Variants in UNC13C observed in about 807,000 individuals in gnomAD.
The protein encoded by UNC13C is unc-13 homolog C, also known as protein unc-13 homolog C.
UNC13C carries 174 observed loss-of-function variants against 245.4 expected under a neutral mutation model. That is an observed-to-expected ratio of 0.71 (90% CI 0.63 to 0.80). The LOEUF (loss-of-function observed/expected upper bound fraction) is 0.80. Ranked by LOEUF, UNC13C falls within the 30% of genes least tolerant of loss-of-function variation. UNC13C has a pLI of 0.00. For synonymous variants in UNC13C, 992 were observed against 895.1 expected (o/e 1.11, Z -1.93); for missense variants, 2,829 against 2,602.9 (o/e 1.09, Z -1.89).
At chr15:54,144,332 T>A (rs201585795) in intron 4 of UNC13C, among the ~76,000 whole-genome samples, 1 of 860 alleles carries the variant, frequency 1.2e-3, no homozygotes, top group African/African-American at 1.2e-3. Context: ...TGCATCGTGG[T>A]TTTTTTTTTT....
chr15:54,477,846 C>T (rs62024025), intron 19 of UNC13C, among the ~76,000 whole-genome samples: 55,823 of 144,374 alleles, frequency 0.39, 10,146 homozygotes, highest in East Asian at 0.57. Flanking sequence ...GGAGGAGTCC[C>T]TCTTTTTCTA....
intron 4 of UNC13C, among the ~76,000 whole-genome samples, chr15:54,198,536 C>T (rs2034428058): frequency 6.6e-6 from 1 of 152,164 alleles, no homozygotes; most frequent in Non-Finnish European, 1.5e-5. Context: ...TATCACAGGA[C>T]ACTTTGCTGA....
intron 10 of UNC13C, among the ~76,000 whole-genome samples, chr15:54,286,160 C>T (rs548071185): frequency 3.0e-4 from 46 of 152,216 alleles, no homozygotes; most frequent in African/African-American, 9.6e-4. Context: ...GGATTACAGG[C>T]GTGAGCCACT....
the UNC13C span, among the ~76,000 whole-genome samples, chr15:53,888,398 GT>G: frequency 1.5e-4 from 22 of 150,804 alleles, no homozygotes; most frequent in East Asian, 1.2e-3. Flanking sequence ...TTTTAATAGA[GT>G]TTTTTTTTCT....
At chr15:54,491,078 T>G (rs940068345) in intron 19 of UNC13C, among the ~76,000 whole-genome samples, 5 of 152,204 alleles carry the variant, frequency 3.3e-5, no homozygotes, top group Non-Finnish European at 7.3e-5. Context: ...TCAATGTGTT[T>G]ATATTTATAT....
the UNC13C span, chr15:53,955,793 T>C: frequency 6.6e-6 from 1 of 152,218 alleles, no homozygotes; most frequent in East Asian, 1.9e-4. Context: ...TGCCTCTTCA[T>C]GCTGGCCATT....
At chr15:54,619,201 A>G (rs1900642576) in intron 30 of UNC13C, among the ~76,000 whole-genome samples, 1 of 152,082 alleles carries the variant, frequency 6.6e-6, no homozygotes, top group Non-Finnish European at 1.5e-5. Context: ...TCTCCATGTA[A>G]ATTTTGCTAA....
the UNC13C span, among the ~76,000 whole-genome samples, chr15:53,890,140 C>CTTTTTTTTTTTTT: frequency 1.4e-5 from 2 of 145,244 alleles, no homozygotes; most frequent in African/African-American, 2.5e-5. Context: ...ACCAGCGCCT[C>CTTTTTTTTTTTTT]TTTTTTTTTT....
intron 13 of UNC13C, among the ~76,000 whole-genome samples, chr15:54,316,368 A>G (rs1372578947): frequency 6.6e-6 from 1 of 151,758 alleles, no homozygotes; most frequent in Non-Finnish European, 1.5e-5. Context: ...TTCCTCTGGA[A>G]TACATTCTTT....
chr15:54,457,907 CT>C lies in UNC13C; in HGVS notation c.4934-36691del, dbSNP rs904615659. 1.2e-4 allele frequency among the ~76,000 whole-genome samples: 11 copies of C among 93,950 alleles called. No individual in the cohort carries two copies. In the East Asian group the frequency reaches 1.8e-3, roughly 15 times the overall value. The allele number at this position is 93,950 out of a possible 152,430, so 61.6% of individuals were successfully genotyped here. A position where few individuals can be genotyped will look rare whatever the true frequency, so the allele number is the denominator to read the frequency against. ...TCTGCTTTTCGTTTTTTTTTTTTTC[CT>C]TTTTTTTTTCTGCTACTGGATTTGG... On this transcript the variant is annotated intron_variant, in intron 19 of 32. Transcript: ENST00000260323.
At chr15:53,908,788 G>A in the UNC13C span, among the ~76,000 whole-genome samples, 1 of 138,254 alleles carries the variant, frequency 7.2e-6, no homozygotes, top group Admixed American at 7.6e-5. Flanking sequence ...TAAATATTTG[G>A]TTTTATACAT....
chr15:54,595,072 G>A (rs1899002544), intron 30 of UNC13C, among the ~76,000 whole-genome samples: 1 of 152,192 alleles, frequency 6.6e-6, no homozygotes, highest in African/African-American at 2.4e-5. Context: ...TAGCAGTGGT[G>A]GTTTCTGTGA....
intron 1 of UNC13C, among the ~76,000 whole-genome samples, chr15:53,991,376 C>T (rs1029106400): frequency 1.3e-5 from 2 of 151,924 alleles, no homozygotes; most frequent in Non-Finnish European, 2.9e-5. Flanking sequence ...AAAATCATGT[C>T]GATTCTAATT....
chr15:54,434,352 G>A (rs2040936104), intron 19 of UNC13C, among the ~76,000 whole-genome samples: 1 of 152,132 alleles, frequency 6.6e-6, no homozygotes, highest in Non-Finnish European at 1.5e-5. Context: ...CAAGGCTATA[G>A]TAACCAAACA....
At chr15:54,531,242 T>G (rs908657990) in intron 25 of UNC13C, among the ~76,000 whole-genome samples, 6 of 152,148 alleles carry the variant, frequency 3.9e-5, no homozygotes, top group African/African-American at 1.4e-4. Context: ...ATAGATGCTA[T>G]GGAAGCCATG....
intron 30 of UNC13C, among the ~76,000 whole-genome samples, chr15:54,607,709 A>G (rs1899845039): frequency 6.6e-6 from 1 of 152,156 alleles, no homozygotes; most frequent in Non-Finnish European, 1.5e-5. Context: ...GCAGAGGGGA[A>G]GCAAGAGCAT....
intron 4 of UNC13C, among the ~76,000 whole-genome samples, chr15:54,161,946 TA>T (rs35899315): frequency 4.4e-4 from 66 of 151,252 alleles, no homozygotes; most frequent in African/African-American, 1.4e-3. Context: ...GGACTCCATT[TA>T]AAAAAAAATG....
chr15:54,044,129 T>C (rs1233895915), intron 2 of UNC13C, among the ~76,000 whole-genome samples: 2 of 152,208 alleles, frequency 1.3e-5, no homozygotes, highest in Non-Finnish European at 2.9e-5. Flanking sequence ...TCTGTCCCTG[T>C]GGAGTTGCCT....
chr15:53,968,862 AC>A, the UNC13C span, among the ~76,000 whole-genome samples: 1 of 152,106 alleles, frequency 6.6e-6, no homozygotes, highest in East Asian at 1.9e-4. Flanking sequence ...TATTTTGAAA[AC>A]CAGCAGATTT....
Sources: allele counts gnomAD v4.1 joint callset (sites outside exome capture counted in the v4.1 genomes callset), GRCh38; gene constraint gnomAD v4.1.1; transcripts MANE v1.5; gene names NCBI Gene and HGNC (gene_info 2026-07-23, HGNC 2026-07-21).